Variants in KCNAB1 observed in about 807,000 individuals in gnomAD.
KCNAB1 encodes potassium voltage-gated channel subfamily A regulatory beta subunit 1.
In KCNAB1, 35 loss-of-function variants were observed where a neutral mutation model predicts 64.6. That is an observed-to-expected ratio of 0.54 (90% CI 0.41 to 0.72). The LOEUF (loss-of-function observed/expected upper bound fraction) is 0.72, where lower values mean the gene tolerates loss of function less well. Among genes scored for constraint, KCNAB1 ranks in the 30% least tolerant of loss-of-function variants. KCNAB1 has a pLI of 0.00. For missense variants in KCNAB1, 401 were observed against 512.9 expected, an observed-to-expected ratio of 0.78 and a Z score of 2.11; for synonymous variants, 177 against 183.8, an observed-to-expected ratio of 0.96 and a Z score of 0.30.
intron 2 of KCNAB1, among the ~76,000 whole-genome samples, chr3:156,441,704 G>A (rs1014111115): frequency 6.6e-6 from 1 of 152,122 alleles, no homozygotes; most frequent in Non-Finnish European, 1.5e-5. Context: ...TACTACAGGA[G>A]TTCTTCAAAA....
At chr3:156,323,677 T>C (rs1276617576) in intron 1 of KCNAB1, among the ~76,000 whole-genome samples, 1 of 152,290 alleles carries the variant, frequency 6.6e-6, no homozygotes, top group South Asian at 2.1e-4. Flanking sequence ...TTGTGCAATA[T>C]TGGGAGACGT....
chr3:156,444,225 A>G (rs1400473139), intron 2 of KCNAB1, among the ~76,000 whole-genome samples: 1 of 152,202 alleles, frequency 6.6e-6, no homozygotes, highest in Non-Finnish European at 1.5e-5. Flanking sequence ...CATGTAGTTT[A>G]TCTTAGTGGC....
chr3:156,322,742 T>G (rs549918437), intron 1 of KCNAB1, among the ~76,000 whole-genome samples: 1 of 152,336 alleles, frequency 6.6e-6, no homozygotes, highest in South Asian at 2.1e-4. Flanking sequence ...CTGTAGAACA[T>G]TTTAATATTT....
At chr3:156,479,501 G>C (rs1224304069) in intron 8 of KCNAB1, among the ~76,000 whole-genome samples, 1 of 152,088 alleles carries the variant, frequency 6.6e-6, no homozygotes, top group African/African-American at 2.4e-5. Flanking sequence ...ACTGCTCCAG[G>C]AAGAACAGAT....
chr3:156,284,455 C>T (rs577331241), intron 1 of KCNAB1, among the ~76,000 whole-genome samples: 2,454 of 152,336 alleles, frequency 0.016, 53 homozygotes, highest in Non-Finnish European at 0.02. Flanking sequence ...GTGGAGCCTA[C>T]AGAGGCAGGC....
At chr3:156,253,488 C>G (rs1286144200) in intron 1 of KCNAB1, among the ~76,000 whole-genome samples, 2 of 152,254 alleles carry the variant, frequency 1.3e-5, no homozygotes, top group Non-Finnish European at 2.9e-5. Context: ...AGAATCAACA[C>G]AGACCACAAA....
chr3:156,490,157 C>T (rs1168478714), intron 8 of KCNAB1, among the ~76,000 whole-genome samples: 1 of 152,010 alleles, frequency 6.6e-6, no homozygotes, highest in Non-Finnish European at 1.5e-5. Flanking sequence ...CACCCATGTC[C>T]AGGTCACCAG....
intron 9 of KCNAB1, 99 bp downstream of exon 9, chr3:156,514,548 A>C (rs1438543731): frequency 1.2e-6 from 1 of 816,756 alleles, no homozygotes; most frequent in Non-Finnish European, 2.1e-6. Flanking sequence ...CTTTTCTCAC[A>C]ATCACTATGG....
chr3:156,192,498 G>A (rs1359432128), intron 1 of KCNAB1, among the ~76,000 whole-genome samples: 1 of 152,058 alleles, frequency 6.6e-6, no homozygotes, highest in African/African-American at 2.4e-5. Context: ...AAGGTCAAAC[G>A]ATAAACTGGT....
At chr3:156,244,776 G>T (rs1285486124) in intron 1 of KCNAB1, among the ~76,000 whole-genome samples, 1 of 152,176 alleles carries the variant, frequency 6.6e-6, no homozygotes, top group Non-Finnish European at 1.5e-5. Flanking sequence ...ATAAAGACTT[G>T]GCTGCCAAGG....
At chr3:156,183,624 C>T (rs1309606707) in intron 1 of KCNAB1, among the ~76,000 whole-genome samples, 1 of 152,216 alleles carries the variant, frequency 6.6e-6, no homozygotes, top group Admixed American at 6.5e-5. Context: ...TTGCCCATAG[C>T]AGCCTCAGAT....
intron 2 of KCNAB1, among the ~76,000 whole-genome samples, chr3:156,432,483 C>A (rs1404835524): frequency 1.3e-5 from 2 of 152,108 alleles, no homozygotes; most frequent in Admixed American, 6.5e-5. Context: ...AAAATACCAT[C>A]AATACTCATT....
chr3:156,223,902 A>T (rs1157040753), intron 1 of KCNAB1, among the ~76,000 whole-genome samples: 1 of 152,176 alleles, frequency 6.6e-6, no homozygotes, highest in Admixed American at 6.5e-5. Context: ...GTCCTGCGCC[A>T]TGTGCCCGCA....
chr3:156,136,197 G>A (rs1332357248), intron 1 of KCNAB1, among the ~76,000 whole-genome samples: 1 of 152,214 alleles, frequency 6.6e-6, no homozygotes, highest in Non-Finnish European at 1.5e-5. Flanking sequence ...GACACTGACA[G>A]CATTGCAGGT....
intron 1 of KCNAB1, among the ~76,000 whole-genome samples, chr3:156,352,222 G>A (rs557336119): frequency 5.3e-5 from 8 of 152,266 alleles, no homozygotes; most frequent in East Asian, 1.9e-4. Context: ...CCGGGGACCC[G>A]CATCAATGTC....
At chr3:156,474,898 G>A (rs1714227502) in intron 8 of KCNAB1, 78 bp downstream of exon 8, 1 of 1,103,850 alleles carries the variant, frequency 9.1e-7, no homozygotes, top group Non-Finnish European at 1.4e-6. Flanking sequence ...AGCAGGAAAT[G>A]AATTGTATTC....
intron 1 of KCNAB1, among the ~76,000 whole-genome samples, chr3:156,383,283 A>G (rs1327156494): frequency 6.6e-6 from 1 of 152,184 alleles, no homozygotes; most frequent in African/African-American, 2.4e-5. Context: ...TTCTATTTCT[A>G]CTTTTAACAA....
At chr3:156,378,221 G>A (rs949069725) in intron 1 of KCNAB1, among the ~76,000 whole-genome samples, 3 of 152,026 alleles carry the variant, frequency 2.0e-5, no homozygotes, top group Non-Finnish European at 4.4e-5. Context: ...GCTTAGGAGC[G>A]GAGATCACTC....
At chr3:156,359,218 A>AT (rs1359278768) in intron 1 of KCNAB1, among the ~76,000 whole-genome samples, 4 of 152,044 alleles carry the variant, frequency 2.6e-5, no homozygotes, top group Admixed American at 2.0e-4. Flanking sequence ...AAAAAACATG[A>AT]TTTTTTCCAG....
Sources: allele counts gnomAD v4.1 joint callset (sites outside exome capture counted in the v4.1 genomes callset), GRCh38; gene constraint gnomAD v4.1.1; transcripts MANE v1.5; gene names NCBI Gene and HGNC (gene_info 2026-07-23, HGNC 2026-07-21).